CACNG7: variants seen among roughly 807,000 people sequenced by gnomAD.
The protein encoded by CACNG7 is voltage-dependent calcium channel gamma-7 subunit.
CACNG7 carries 9 observed loss-of-function variants against 26.3 expected under a neutral mutation model. The observed-to-expected ratio is 0.34, with a 90% CI of 0.21 to 0.60. CACNG7 has a LOEUF of 0.60. CACNG7 is among the 20% of genes least tolerant of loss of function. The probability of loss-of-function intolerance (pLI) is 0.81; values close to 1 mark genes in which losing one functional copy is unlikely to be tolerated. For missense variants in CACNG7, 297 were observed against 380.4 expected, an observed-to-expected ratio of 0.78 and a Z score of 1.82; for synonymous variants, 170 against 157.0, an observed-to-expected ratio of 1.08 and a Z score of -0.62.
rs943461811 is a variant in CACNG7, at chr19:53,912,635, G to T, written c.-29-168G>T. The T allele has an allele frequency of 6.9e-6, 4 of 576,274 alleles. No homozygotes were observed. The East Asian group carries it at 8.8e-5, about 13-fold the overall frequency. 35.7% of individuals were successfully genotyped at this position (576,274 alleles called of 1,614,324 possible). ...CTGAGGCTCAACAGTTGGTGTCTCT[G>T]GTCAGACTCTAGGGTTGGGGTCATG... On this transcript the variant is annotated intron_variant, in intron 1 of 5. Transcript: ENST00000391767. This position sits in a 1 kb window ranked among gnomAD's most constrained non-coding sequence, Gnocchi z 4.6.
chr19:53,932,143 C>T (rs1458779830), intron 4 of CACNG7, among the ~76,000 whole-genome samples: 2 of 150,614 alleles, frequency 1.3e-5, no homozygotes, highest in African/African-American at 2.4e-5. Flanking sequence ...GTATTAGCTA[C>T]TCTGGAGGCT....
At chr19:53,921,498 T>A (rs1416847754) in intron 4 of CACNG7, among the ~76,000 whole-genome samples, 1 of 146,848 alleles carries the variant, frequency 6.8e-6, no homozygotes, top group Non-Finnish European at 1.5e-5. Flanking sequence ...TTGGTGGAGT[T>A]GCCCCAGGTC....
rs564699827 is a variant in CACNG7 at position 53,936,905 on chromosome 19, A to C, written c.425-4565A>C. Among the ~76,000 whole-genome samples the C allele has an allele frequency of 1.9e-3, 292 of 151,904 alleles. 3 individuals are homozygous for C. Among genetic ancestry groups the C allele is most frequent in the African/African-American group, 5.6e-3 (231 of 41,422 alleles). ...ATTATAGGCATGAGCCACCGTGCCC[A>C]GCCTAACTTAATTGAGTTTTTTGAG... On this transcript the variant is annotated intron_variant, in intron 4 of 5. Coordinates refer to ENST00000391767, the MANE Select transcript of CACNG7 (RefSeq NM_031896.5).
chr19:53,917,962 G>C (rs1040936252), intron 4 of CACNG7, among the ~76,000 whole-genome samples: 2 of 152,178 alleles, frequency 1.3e-5, no homozygotes, highest in East Asian at 3.8e-4. Context: ...GTGCAGGCAG[G>C]CTGGAAGTCA....
rs2069154454 is a variant in CACNG7 at position 53,943,815 on chromosome 19, G to GTT, written c.*1522_*1523insTT. Reference sequence around the variant, plus strand: ...CCTAAAGTACTGCAGAATGACGTTAGATGGGTCGTTGTTAAATGACTTAAT... The same window carrying GTT: ...CCTAAAGTACTGCAGAATGACGTTAGTTATGGGTCGTTGTTAAATGACTTAAT... On this transcript the variant is annotated 3_prime_UTR_variant, in exon 6 of 6. Transcript: ENST00000391767. 8 of 152,132 alleles carry GTT rather than the reference G, an allele frequency of 5.3e-5. No individual in the cohort carries two copies. Among genetic ancestry groups the GTT allele is most frequent in the Non-Finnish European group, 2.9e-5 (2 of 68,030 alleles). The allele number at this position is 152,132 out of a possible 1,614,324, so 9.4% of individuals were successfully genotyped here.
chr19:53,931,225 C>T (rs1189407172), intron 4 of CACNG7, among the ~76,000 whole-genome samples: 1 of 152,172 alleles, frequency 6.6e-6, no homozygotes, highest in Non-Finnish European at 1.5e-5. Context: ...AAGAATAATA[C>T]ATTCGTCTAC....
intron 4 of CACNG7, among the ~76,000 whole-genome samples, chr19:53,918,835 C>G (rs1372032462): frequency 1.3e-5 from 2 of 152,154 alleles, no homozygotes; most frequent in African/African-American, 2.4e-5. Context: ...ATGGCGCGAT[C>G]TCGGCTCACT....
rs2068971537 is a variant in CACNG7 at position 53,922,657 on chromosome 19, CAGTTGTCCCAGGCTGGTCATTGGTGG to C, written c.424+7158_424+7183del. Among the ~76,000 whole-genome samples, 3 of 53,628 alleles carry C rather than the reference CAGTTGTCCCAGGCTGGTCATTGGTGG, an allele frequency of 5.6e-5. 1 individual carries two copies. The highest frequency in any genetic ancestry group is 8.5e-5 in the Non-Finnish European group (3 of 35,136). The allele number at this position is 53,628 out of a possible 152,430, so 35.2% of individuals were successfully genotyped here. On this transcript the variant is annotated intron_variant, in intron 4 of 5. Coordinates refer to ENST00000391767, the MANE Select transcript of CACNG7 (RefSeq NM_031896.5). ...TTGTCCCCAGGCCTGGTCATTGGTG[CAGTTGTCCCAGGCTGGTCATTGGTGG>C]AGTTGCCCCAGGTCTGGTCATTGGT...
At chr19:53,921,526 C>T (rs1486370543) in intron 4 of CACNG7, among the ~76,000 whole-genome samples, 12 of 129,400 alleles carry the variant, frequency 9.3e-5, no homozygotes, top group African/African-American at 1.7e-4. Context: ...GGTGGAGTTG[C>T]CCCAGGTCTG....
chr19:53,926,519 G>A (rs143271278), intron 4 of CACNG7, among the ~76,000 whole-genome samples: 51 of 152,144 alleles, frequency 3.4e-4, no homozygotes, highest in South Asian at 6.2e-4. Context: ...TTACCCTGGC[G>A]ATACTATCAC....
chr19:53,912,684 T>G lies in CACNG7; in HGVS notation c.-29-119T>G. The G allele has an allele frequency of 2.6e-6, 2 of 765,468 alleles. No individual in the cohort carries two copies. The highest frequency in any genetic ancestry group is 1.7e-5 in the African/African-American group (1 of 57,526). The allele number at this position is 765,468 out of a possible 1,614,324, so 47.4% of individuals were successfully genotyped here. On this transcript the variant is annotated intron_variant, in intron 1 of 5. Transcript: ENST00000391767. This position sits in a 1 kb window ranked among gnomAD's most constrained non-coding sequence, Gnocchi z 4.6. ...TGGGTCAGGCCACGGAGGTCAGATC[T>G]GAGATTTCGATTTGGGAGTCAGTGT...
intron 4 of CACNG7, among the ~76,000 whole-genome samples, chr19:53,918,434 A>T (rs1382223932): frequency 6.6e-6 from 1 of 152,196 alleles, no homozygotes; most frequent in Non-Finnish European, 1.5e-5. Flanking sequence ...AGTTCAATGT[A>T]ATTTTCATGT....
At chr19:53,925,563 T>G (rs1266376775) in intron 4 of CACNG7, among the ~76,000 whole-genome samples, 1 of 123,130 alleles carries the variant, frequency 8.1e-6, no homozygotes, top group African/African-American at 3.4e-5. Flanking sequence ...TTGCCCCAGG[T>G]CTGGTCATTG....
At position 53,909,855 on chromosome 19, in the gene CACNG7, GGAAAGGGGTCCCA is replaced by G. The variant is rs929294310; in HGVS notation, c.-30+347_-30+359del. 6.6e-6 allele frequency among the ~76,000 whole-genome samples: 1 copy of G among 152,178 alleles called. No individual in the cohort carries two copies. Among genetic ancestry groups the G allele is most frequent in the African/African-American group, 2.4e-5 (1 of 41,456 alleles). On this transcript the variant is annotated intron_variant, in intron 1 of 5. Coordinates refer to ENST00000391767, the MANE Select transcript of CACNG7 (RefSeq NM_031896.5). The surrounding 1 kb of genome is among the most constrained non-coding windows in gnomAD (Gnocchi z 5.1). ...CCCGGCCAGAGCAGGATGTGGGTCT[GGAAAGGGGTCCCA>G]GAAAGGGGGAGTTACGGTCTCCCGA... is the stretch of plus-strand genomic sequence containing the variant.
At chr19:53,916,662 A>ATT (rs1223891653) in intron 4 of CACNG7, among the ~76,000 whole-genome samples, 6 of 106,194 alleles carry the variant, frequency 5.7e-5, no homozygotes, top group African/African-American at 9.1e-5. Flanking sequence ...CTAATTTTCT[A>ATT]TTTTTTTTTT....
At position 53,912,602 on chromosome 19, in the gene CACNG7, C is replaced by A; in HGVS notation, c.-29-201C>A. On this transcript the variant is annotated intron_variant, in intron 1 of 5. Transcript: ENST00000391767. This position sits in a 1 kb window ranked among gnomAD's most constrained non-coding sequence, Gnocchi z 4.6. The stretch of plus-strand genomic sequence containing the variant: ...CAGGCAGCAGGTTTGGGGAGCCCAG[C>A]CCTGAGGCTGAGGCTCAACAGTTGG... 1.9e-6 allele frequency: 1 copy of A among 530,346 alleles called. No homozygotes were observed. Among genetic ancestry groups the A allele is most frequent in the Admixed American group, 3.5e-5 (1 of 28,810 alleles). 32.9% of individuals were successfully genotyped at this position (530,346 alleles called of 1,614,324 possible).
intron 4 of CACNG7, among the ~76,000 whole-genome samples, chr19:53,929,261 G>C (rs1375325527): frequency 2.0e-5 from 3 of 149,356 alleles, no homozygotes; most frequent in Admixed American, 6.6e-5. Flanking sequence ...ATCCCTGATG[G>C]ATGAGAGAGA....
intron 4 of CACNG7, among the ~76,000 whole-genome samples, chr19:53,925,726 G>C (rs1000247390): frequency 6.6e-6 from 1 of 152,248 alleles, no homozygotes; most frequent in African/African-American, 2.4e-5. Context: ...ACCTCTGCTG[G>C]GGATGGACTA....
intron 1 of CACNG7, among the ~76,000 whole-genome samples, chr19:53,911,030 G>A (rs1340675833): frequency 1.4e-5 from 2 of 140,342 alleles, no homozygotes; most frequent in East Asian, 4.2e-4. Context: ...GCTCTGATGA[G>A]GATGCTGGAT....
Sources: gnomAD v4.1 joint callset for allele counts (sites outside exome capture counted in the v4.1 genomes callset) on GRCh38, gnomAD v4.1.1 for gene constraint, Gnocchi (gnomAD v3.1) non-coding constraint, MANE v1.5 for transcripts, NCBI Gene and HGNC (gene_info 2026-07-23, HGNC 2026-07-21) for gene names.